PTRH2: variants seen among roughly 807,000 people sequenced by gnomAD.
PTRH2 encodes the protein peptidyl-tRNA hydrolase 2, mitochondrial.
Under a neutral mutation model 12.3 loss-of-function variants are expected in PTRH2, and 10 were observed. The ratio of observed to expected loss-of-function variants is 0.81; its 90% CI spans 0.50 to 1.38. PTRH2 has a LOEUF of 1.38. Among genes scored for constraint, PTRH2 ranks in the 40% most tolerant of loss-of-function variants. PTRH2 has a pLI of 0.00. For missense variants in PTRH2, 176 were observed against 214.1 expected, an observed-to-expected ratio of 0.82 and a Z score of 1.11; for synonymous variants, 73 against 77.4, an observed-to-expected ratio of 0.94 and a Z score of 0.30.
At chr17:59,698,629 C>T (rs772598259) in intron 1 of PTRH2, 2 of 475,454 alleles carry the variant, frequency 4.2e-6, no homozygotes, top group Non-Finnish European at 7.5e-6. Flanking sequence ...CCTCAATTTT[C>T]CATGGGGTTA....
chr17:59,705,233 C>G (rs1238129471), intron 1 of PTRH2, among the ~76,000 whole-genome samples: 1 of 152,228 alleles, frequency 6.6e-6, no homozygotes, highest in Non-Finnish European at 1.5e-5. Context: ...ATCCCATACA[C>G]TACATTCCGG....
rs534283670 is a variant in PTRH2, at chr17:59,706,969, G to A, written c.-1+402C>T. Among the ~76,000 whole-genome samples the A allele has an allele frequency of 3.3e-5, 5 of 152,256 alleles. No individual in the cohort carries two copies. The East Asian group carries it at 5.8e-4, about 18-fold the overall frequency. On this transcript the variant is annotated intron_variant, in intron 1 of 1. Coordinates refer to ENST00000393038, the MANE Select transcript of PTRH2 (RefSeq NM_016077.5). ...ATTACAGGCGTCAGCCACCGCGCCC[G>A]GCCCCAAATTTTCGACTATATTCTT...
At chr17:59,704,098 A>C (rs757336115) in intron 1 of PTRH2, among the ~76,000 whole-genome samples, 22 of 152,154 alleles carry the variant, frequency 1.4e-4, no homozygotes, top group Non-Finnish European at 2.1e-4. Context: ...GTGAGCCACC[A>C]TGCCCTGCCG....
intron 1 of PTRH2, among the ~76,000 whole-genome samples, chr17:59,703,538 C>T (rs2033590803): frequency 2.0e-5 from 3 of 152,040 alleles, no homozygotes; most frequent in Admixed American, 2.0e-4. Flanking sequence ...GAGTCTTGTT[C>T]TTGTCTCCCA....
intron 1 of PTRH2, chr17:59,700,390 A>G (rs1203339716): frequency 1.3e-5 from 2 of 152,218 alleles, no homozygotes; most frequent in Non-Finnish European, 2.9e-5. Flanking sequence ...ATTTATAAAC[A>G]TGGGGCCACT....
At chr17:59,702,943 T>A (rs1297234373) in intron 1 of PTRH2, among the ~76,000 whole-genome samples, 2 of 152,234 alleles carry the variant, frequency 1.3e-5, no homozygotes, top group African/African-American at 4.8e-5. Context: ...TTAAGTGTTC[T>A]GAGCACCTTT....
chr17:59,699,000 T>C (rs1395445055), intron 1 of PTRH2: 3 of 665,938 alleles, frequency 4.5e-6, no homozygotes, highest in African/African-American at 3.6e-5. Flanking sequence ...ACATCGAGAA[T>C]AGGTGGTAGA....
intron 1 of PTRH2, among the ~76,000 whole-genome samples, chr17:59,703,654 G>A (rs537372059): frequency 2.0e-5 from 3 of 151,976 alleles, no homozygotes; most frequent in East Asian, 3.9e-4. Flanking sequence ...ACAGACACCC[G>A]CCACTACACC....
intron 1 of PTRH2, among the ~76,000 whole-genome samples, chr17:59,704,979 G>A (rs2033614827): frequency 6.6e-6 from 1 of 152,008 alleles, no homozygotes; most frequent in African/African-American, 2.4e-5. Context: ...GTAGAGACGG[G>A]GTTTCACCAT....
At chr17:59,698,291 A>G (rs2033486795) in intron 1 of PTRH2, 2 of 349,500 alleles carry the variant, frequency 5.7e-6, no homozygotes, top group African/African-American at 4.1e-5. Flanking sequence ...TTTTACCAAG[A>G]TGCCTAAGAT....
At chr17:59,702,768 T>C (rs530094015) in intron 1 of PTRH2, among the ~76,000 whole-genome samples, 2 of 152,342 alleles carry the variant, frequency 1.3e-5, no homozygotes, top group Admixed American at 1.3e-4. Flanking sequence ...TCGCTTAAGC[T>C]TTTTGGCTTT....
chr17:59,706,144 G>A (rs536776941), intron 1 of PTRH2, among the ~76,000 whole-genome samples: 1 of 152,266 alleles, frequency 6.6e-6, no homozygotes, highest in African/African-American at 2.4e-5. Flanking sequence ...TACGACAAGC[G>A]TATCAATAAG....
In PTRH2 at chr17:59,697,879, G is replaced by A. The variant is rs1474279792; in HGVS notation, c.100C>T (p.Arg34Ter). Residue 34 changes from arginine to a stop codon, truncating the protein, a stop_gained, in exon 2 of 2, where the codon CGA (arginine) becomes TGA (stop). Transcript: ENST00000393038. LOFTEE classifies it high-confidence loss of function. ...TTGGGGAGCATCCCAAAGCATACTCGAAGGCTCCAGCCCAGGCACATGCCA... is the reference window on the plus strand; with the variant it reads ...TTGGGGAGCATCCCAAAGCATACTCAAAGGCTCCAGCCCAGGCACATGCCA... Reference protein sequence around the residue: ...ACGMCLGWSLRVCFGMLPKSK... With the variant: ...ACGMCLGWSL 16 of 1,614,080 alleles carry A rather than the reference G, an allele frequency of 9.9e-6. No homozygotes were observed. The highest frequency in any genetic ancestry group is 1.3e-5 in the African/African-American group (1 of 75,026).
At position 59,697,789 on chromosome 17, in the gene PTRH2, C is replaced by T; in HGVS notation, c.190G>A (p.Glu64Lys). The change falls in exon 2 of 2, where the codon GAG (glutamate) becomes AAG (lysine). Residue 64 changes from glutamate to lysine, a missense_variant. Coordinates refer to ENST00000393038, the MANE Select transcript of PTRH2 (RefSeq NM_016077.5). ...CGAACCACAAGAATCATCTTGTACT[C>T]CCCGCTGTCTCCCAAGATGCTTGCT... ...SEASILGDSGEYKMILVVRND... is the reference protein window; with the variant it reads ...SEASILGDSGKYKMILVVRND... 1 of 1,614,200 alleles carries T rather than the reference C, an allele frequency of 6.2e-7. No homozygotes were observed. The highest frequency in any genetic ancestry group is 8.5e-7 in the Non-Finnish European group (1 of 1,180,034).
At chr17:59,701,737 G>A (rs990832250) in intron 1 of PTRH2, among the ~76,000 whole-genome samples, 8 of 151,898 alleles carry the variant, frequency 5.3e-5, no homozygotes, top group African/African-American at 1.7e-4. Flanking sequence ...ATGGAGTCTC[G>A]CTCTGTCGCC....
chr17:59,697,434 T>G lies in PTRH2; in HGVS notation c.*5A>C. ...TGGAGGGGTTGTTGTCATATCAAAG[T>G]CCACCTAGTAAAGTTTTAGGTGACC... On this transcript the variant is annotated 3_prime_UTR_variant, in exon 2 of 2. Coordinates refer to ENST00000393038, the MANE Select transcript of PTRH2 (RefSeq NM_016077.5). 6.3e-7 allele frequency: 1 copy of G among 1,599,432 alleles called. No individual in the cohort carries two copies. The highest frequency in any genetic ancestry group is 8.6e-7 in the Non-Finnish European group (1 of 1,169,386).
At chr17:59,705,630 TG>T (rs533099198) in intron 1 of PTRH2, among the ~76,000 whole-genome samples, 85 of 152,350 alleles carry the variant, frequency 5.6e-4, no homozygotes, top group African/African-American at 2.0e-3. Context: ...GGTCTTGCTA[TG>T]TTGCCCAGGC....
chr17:59,707,210 C>G (rs1400292968), intron 1 of PTRH2, 161 bp downstream of exon 1: 4 of 152,260 alleles, frequency 2.6e-5, no homozygotes, highest in African/African-American at 9.7e-5. Context: ...GTTCGCAGAA[C>G]AGGAACAGAG....
chr17:59,698,931 A>G, intron 1 of PTRH2: 2 of 713,822 alleles, frequency 2.8e-6, no homozygotes, highest in Non-Finnish European at 5.2e-6. Context: ...ACTGAAATAG[A>G]ATTAATTGCT....
Sources: gnomAD v4.1 joint callset for allele counts (sites outside exome capture counted in the v4.1 genomes callset) on GRCh38, gnomAD v4.1.1 for gene constraint, MANE v1.5 for transcripts, NCBI Gene and HGNC (gene_info 2026-07-23, HGNC 2026-07-21) for gene names.